Variants in PGM2L1 observed in about 807,000 individuals in gnomAD.
PGM2L1 encodes phosphoglucomutase 2 like 1.
Under a neutral mutation model 73.4 loss-of-function variants are expected in PGM2L1, and 35 were observed. That is an observed-to-expected ratio of 0.48 (90% CI 0.36 to 0.63). The LOEUF (loss-of-function observed/expected upper bound fraction) is 0.63. Ranked by LOEUF, PGM2L1 falls within the 30% of genes least tolerant of loss-of-function variation. PGM2L1 has a pLI of 0.00. For synonymous variants in PGM2L1, 225 were observed against 253.8 expected (o/e 0.89, Z 1.08); for missense variants, 570 against 742.0 (o/e 0.77, Z 2.69).
chr11:74,346,960 A>C lies in PGM2L1; in HGVS notation c.940-131T>G, dbSNP rs1862276459. ...AGAATTCAGCTACGTTTAAAACAAG[A>C]AGCCAAAAGTAGGGACACCCACCAT... On this transcript the variant is annotated intron_variant, in intron 7 of 13. Coordinates refer to ENST00000298198, the MANE Select transcript of PGM2L1 (RefSeq NM_173582.6). 4.1e-6 allele frequency: 4 copies of C among 977,222 alleles called. No homozygotes were observed. In the African/African-American group the frequency reaches 4.9e-5, roughly 12 times the overall value. 60.5% of individuals were successfully genotyped at this position (977,222 alleles called of 1,614,324 possible). A position where few individuals can be genotyped will look rare whatever the true frequency, so the allele number is the denominator to read the frequency against.
chr11:74,395,986 T>C (rs1863169681), intron 1 of PGM2L1, among the ~76,000 whole-genome samples: 1 of 151,972 alleles, frequency 6.6e-6, no homozygotes, highest in Non-Finnish European at 1.5e-5. Flanking sequence ...GTGTGGTGGT[T>C]CATGCCTATA....
chr11:74,396,099 A>T (rs11236095), intron 1 of PGM2L1, among the ~76,000 whole-genome samples: 26,016 of 150,818 alleles, frequency 0.17, 2,384 homozygotes, highest in East Asian at 0.3. Context: ...AAAAAAAAAA[A>T]TTTTTTTTAA....
chr11:74,357,258 A>C (rs758324302), intron 5 of PGM2L1, among the ~76,000 whole-genome samples: 4 of 152,282 alleles, frequency 2.6e-5, no homozygotes, highest in Non-Finnish European at 4.4e-5. Context: ...AGGCACTGCC[A>C]AGTGAATAAA....
intron 5 of PGM2L1, among the ~76,000 whole-genome samples, chr11:74,361,117 C>A (rs1355397546): frequency 1.3e-5 from 2 of 152,170 alleles, no homozygotes; most frequent in African/African-American, 2.4e-5. Flanking sequence ...GGGTTCCTGA[C>A]CCCCGAGTAG....
chr11:74,371,740 A>AC lies in PGM2L1; in HGVS notation c.356dup (p.Gln120SerfsTer4). 1.2e-6 allele frequency: 2 copies of AC among 1,613,860 alleles called. No homozygotes were observed. The highest frequency in any genetic ancestry group is 2.2e-5 in the South Asian group (2 of 91,080). On this transcript the variant is annotated frameshift_variant, in exon 3 of 14. Coordinates refer to ENST00000298198, the MANE Select transcript of PGM2L1 (RefSeq NM_173582.6). LOFTEE classifies it high-confidence loss of function. ...GGCTGCTGCAGCTGCTAGTTACTTG[A>AC]CCCCGAGTGTCATACCCAACCACAA...
intron 2 of PGM2L1, 25 bp from the exon 3 acceptor site, chr11:74,371,842 T>A: frequency 1.3e-6 from 2 of 1,525,208 alleles, no homozygotes; most frequent in Non-Finnish European, 1.8e-6. Flanking sequence ...CACAAAAGAT[T>A]AGTTCTAATG....
rs1862064056 is a variant in PGM2L1, at chr11:74,334,566, T to G, written c.*2086A>C. 1 of 152,244 alleles carries G rather than the reference T, an allele frequency of 6.6e-6. No individual in the cohort carries two copies. The allele number at this position is 152,244 out of a possible 1,614,324, so 9.4% of individuals were successfully genotyped here. On this transcript the variant is annotated 3_prime_UTR_variant, in exon 14 of 14. Coordinates refer to ENST00000298198, the MANE Select transcript of PGM2L1 (RefSeq NM_173582.6). ...TATTATCTACAGTCATACAGTCATA[T>G]AAGATCCAACAATAAGAAAGTAAGG...
Position 74,371,682 on chromosome 11 carries a change from C to T in PGM2L1, c.386+29G>A, listed in dbSNP as rs1188399022. The T allele has an allele frequency of 3.2e-6, 5 of 1,567,438 alleles. No homozygotes were observed. The African/African-American group carries it at 6.8e-5, about 21-fold the overall frequency. On this transcript the variant is annotated intron_variant, in intron 3 of 13. Coordinates refer to ENST00000298198, the MANE Select transcript of PGM2L1 (RefSeq NM_173582.6). Reference sequence around the variant, plus strand: ...TTAAATATGTTTTATTCTATTTCAACTTAATCTTTGAAACAATTAACTTTG... The same window carrying T: ...TTAAATATGTTTTATTCTATTTCAATTTAATCTTTGAAACAATTAACTTTG...
chr11:74,353,751 G>A (rs1301894506), intron 5 of PGM2L1, among the ~76,000 whole-genome samples: 1 of 150,686 alleles, frequency 6.6e-6, no homozygotes, highest in Non-Finnish European at 1.5e-5. Context: ...CACAGACACA[G>A]CAACAATCTG....
chr11:74,338,691 T>C (rs1862135768), intron 12 of PGM2L1, 90 bp from the exon 13 acceptor site: 1 of 1,414,068 alleles, frequency 7.1e-7, no homozygotes, highest in Non-Finnish European at 9.5e-7. Context: ...AGTCCACTTA[T>C]ATGAGGTATC....
At chr11:74,362,446 A>T (rs1438336565) in intron 5 of PGM2L1, among the ~76,000 whole-genome samples, 1 of 152,210 alleles carries the variant, frequency 6.6e-6, no homozygotes, top group Admixed American at 6.5e-5. Flanking sequence ...AACATGTCAA[A>T]TTGTAAAGAC....
intron 13 of PGM2L1, among the ~76,000 whole-genome samples, chr11:74,337,428 C>G (rs4306310): frequency 0.37 from 56,906 of 152,050 alleles, 12,639 homozygotes; most frequent in East Asian, 0.52. Context: ...TTTATCCCCC[C>G]CAAAGGAAAT....
intron 5 of PGM2L1, among the ~76,000 whole-genome samples, chr11:74,365,315 C>A (rs1014834796): frequency 3.9e-4 from 59 of 152,166 alleles, no homozygotes; most frequent in South Asian, 2.1e-3. Flanking sequence ...GCAAGGACTT[C>A]ATGTCTAAAA....
In PGM2L1 at chr11:74,346,792, C is replaced by T. The variant is rs776322390; in HGVS notation, c.977G>A (p.Arg326Gln). 4.2e-5 allele frequency: 67 copies of T among 1,613,920 alleles called. No individual in the cohort carries two copies. The highest frequency in any genetic ancestry group is 3.6e-4 in the African/African-American group (27 of 74,910). Residue 326 changes from arginine to glutamine, a missense_variant, in exon 8 of 14, where the codon CGG becomes CAG. Coordinates refer to ENST00000298198, the MANE Select transcript of PGM2L1 (RefSeq NM_173582.6). ...SLRLAEKENARVVLATDPDAD... is the reference protein window; with the variant it reads ...SLRLAEKENAQVVLATDPDAD... ...ATCAGGATCTGTGGCTAGCACTACC[C>T]GGGCATTTTCTTTCTCTGCCAGTCT... is the stretch of plus-strand genomic sequence containing the variant.
chr11:74,376,760 C>A (rs1174450522), intron 1 of PGM2L1, among the ~76,000 whole-genome samples: 1 of 151,910 alleles, frequency 6.6e-6, no homozygotes, highest in South Asian at 2.1e-4. Context: ...CAGTACTAAC[C>A]TAATTCCTGG....
chr11:74,345,050 T>C (rs1159843587), intron 9 of PGM2L1, among the ~76,000 whole-genome samples: 4 of 152,108 alleles, frequency 2.6e-5, no homozygotes, highest in African/African-American at 9.7e-5. Flanking sequence ...TGTAGGATCA[T>C]TGGGTTTACT....
intron 5 of PGM2L1, among the ~76,000 whole-genome samples, chr11:74,362,442 T>C (rs662895): frequency 0.88 from 133,766 of 152,226 alleles, 59,104 homozygotes; most frequent in African/African-American, 0.97. Flanking sequence ...CAAAAACATG[T>C]CAAATTGTAA....
intron 5 of PGM2L1, among the ~76,000 whole-genome samples, chr11:74,367,880 T>C (rs962565771): frequency 6.6e-5 from 10 of 152,198 alleles, no homozygotes; most frequent in African/African-American, 2.2e-4. Flanking sequence ...CATTTAAATC[T>C]TTCTGCCAGT....
intron 1 of PGM2L1, among the ~76,000 whole-genome samples, chr11:74,383,701 G>C (rs992284827): frequency 6.6e-6 from 1 of 151,442 alleles, no homozygotes; most frequent in Non-Finnish European, 1.5e-5. Flanking sequence ...TGCGGTGTTC[G>C]GTTTTCTGTT....
Sources: gnomAD v4.1 joint callset for allele counts (sites outside exome capture counted in the v4.1 genomes callset) on GRCh38, gnomAD v4.1.1 for gene constraint, MANE v1.5 for transcripts, NCBI Gene and HGNC (gene_info 2026-07-23, HGNC 2026-07-21) for gene names.